Variants in CCDC187 observed in about 807,000 individuals in gnomAD.
CCDC187 encodes the protein coiled-coil domain-containing protein 187.
A neutral mutation model predicts 38.0 loss-of-function variants in CCDC187; 32 were observed. That is an observed-to-expected ratio of 0.84 (90% CI 0.64 to 1.13). CCDC187 has a LOEUF of 1.13. CCDC187 is among the 50% of genes most tolerant of loss of function. CCDC187 has a pLI of 0.00. For synonymous variants in CCDC187, 333 were observed against 347.9 expected (o/e 0.96, Z 0.48); for missense variants, 707 against 786.8 (o/e 0.90, Z 1.21).
intron 10 of CCDC187, among the ~76,000 whole-genome samples, chr9:136,279,836 G>A (rs1831004602): frequency 6.6e-6 from 1 of 152,238 alleles, no homozygotes; most frequent in African/African-American, 2.4e-5. Context: ...CAGCCATGAG[G>A]GTTCCACCCT....
chr9:136,290,105 C>A (rs1327042142), intron 6 of CCDC187, 52 bp from the exon 7 acceptor site: 1 of 398,638 alleles, frequency 2.5e-6, no homozygotes, highest in Non-Finnish European at 4.4e-6. Flanking sequence ...AGACCACACG[C>A]CCCGTTCTCT....
At chr9:136,255,994 C>T (rs893472176) in intron 24 of CCDC187, among the ~76,000 whole-genome samples, 2 of 152,154 alleles carry the variant, frequency 1.3e-5, no homozygotes, top group Non-Finnish European at 2.9e-5. Context: ...GGTTCGAAGC[C>T]GCTCTGCTGA....
Position 136,256,129 on chromosome 9 carries a change from C to T in CCDC187, c.4616+82G>A, listed in dbSNP as rs959175935. ...TGCCAGGAGAGAGTGAGGGTCCCCA[C>T]AGCAGGGGGACAGGGGGTACCGGCT... is the stretch of plus-strand genomic sequence containing the variant. On this transcript the variant is annotated intron_variant, in intron 24 of 25. Transcript: ENST00000638797. 5.6e-6 allele frequency: 4 copies of T among 714,286 alleles called. No individual in the cohort carries two copies. The East Asian group carries it at 3.9e-4, about 70-fold the overall frequency. The allele number at this position is 714,286 out of a possible 1,614,324, so 44.2% of individuals were successfully genotyped here.
intron 12 of CCDC187, among the ~76,000 whole-genome samples, chr9:136,275,281 T>G (rs1588658772): frequency 6.6e-6 from 1 of 150,988 alleles, no homozygotes; most frequent in Admixed American, 6.6e-5. Flanking sequence ...TGGAGACGGG[T>G]GGGAAGGAAA....
At chr9:136,281,711 A>G in intron 9 of CCDC187, 48 bp from the exon 10 acceptor site, 1 of 398,610 alleles carries the variant, frequency 2.5e-6, no homozygotes, top group Non-Finnish European at 4.4e-6. Context: ...CGTGGAGGAG[A>G]CAGGAGGCAG....
At position 136,265,880 on chromosome 9, in the gene CCDC187, G is replaced by T. The variant is rs1048304739; in HGVS notation, c.3735+76C>A. On this transcript the variant is annotated intron_variant, in intron 17 of 25. Transcript: ENST00000638797. ...TAGCTCTGTTGCTGGGGAATGTTCA[G>T]ATTCCAGGCAAGAAGATGACACGAC... 6 of 749,682 alleles carry T rather than the reference G, an allele frequency of 8.0e-6. No individual in the cohort carries two copies. In the East Asian group the frequency reaches 6.5e-4, roughly 81 times the overall value. 46.4% of individuals were successfully genotyped at this position (749,682 alleles called of 1,614,324 possible).
Position 136,256,261 on chromosome 9 carries a change from G to T in CCDC187, c.4566C>A (p.Ser1522Arg), listed in dbSNP as rs1830611465. The T allele has an allele frequency of 1.0e-6, 1 of 985,604 alleles. No individual in the cohort carries two copies. Among genetic ancestry groups the T allele is most frequent in the Non-Finnish European group, 1.2e-6 (1 of 830,070 alleles). 61.1% of individuals were successfully genotyped at this position (985,604 alleles called of 1,614,324 possible). A position where few individuals can be genotyped will look rare whatever the true frequency, so the allele number is the denominator to read the frequency against. The change falls in exon 24 of 26, where the codon AGC becomes AGA. Residue 1522 changes from serine (S) to arginine (R), a missense_variant. Ser to Arg is a moderately radical substitution (Grantham distance 110). Transcript: ENST00000638797. ...CGGTTTCCTGGGACTCCTCCACGGG[G>T]CTCTCAGCAAAATCCAGCCCCGATT... is the stretch of plus-strand genomic sequence containing the variant. ...GLESGLDFAESPVEESQETES... is the reference protein window; with the variant it reads ...GLESGLDFAERPVEESQETES...
intron 4 of CCDC187, among the ~76,000 whole-genome samples, chr9:136,296,876 T>C (rs1831548090): frequency 6.6e-6 from 1 of 151,982 alleles, no homozygotes; most frequent in South Asian, 2.1e-4. Context: ...ACGCATGAAA[T>C]TAATCGTAAT....
At chr9:136,299,500 C>T (rs1366213708) in intron 3 of CCDC187, among the ~76,000 whole-genome samples, 18 of 152,332 alleles carry the variant, frequency 1.2e-4, no homozygotes, top group Middle Eastern at 6.8e-3. Context: ...ATCTTGCCGG[C>T]GTCTGCCTGT....
chr9:136,250,731 T>A lies in CCDC187; in HGVS notation c.*2863A>T, dbSNP rs782185463. 4.4e-6 allele frequency: 2 copies of A among 456,144 alleles called. No individual in the cohort carries two copies. Among genetic ancestry groups the A allele is most frequent in the African/African-American group, 4.0e-5 (2 of 50,074 alleles). 28.3% of individuals were successfully genotyped at this position (456,144 alleles called of 1,614,324 possible). ...AGGAGCTGGTGCAAAATCAGATGCA[T>A]GGCCCGAGCTGGGCTTCCTGTGCAC... On this transcript the variant is annotated 3_prime_UTR_variant, in exon 26 of 26. Coordinates refer to ENST00000638797, the MANE Select transcript of CCDC187 (RefSeq NM_001378188.1).
intron 9 of CCDC187, among the ~76,000 whole-genome samples, chr9:136,284,779 G>A (rs1831133420): frequency 6.6e-6 from 1 of 152,122 alleles, no homozygotes; most frequent in African/African-American, 2.4e-5. Flanking sequence ...CAAATCCCCA[G>A]GAGGGACTCA....
intron 14 of CCDC187, among the ~76,000 whole-genome samples, chr9:136,269,658 A>T (rs868971857): frequency 4.6e-5 from 7 of 152,036 alleles, no homozygotes; most frequent in Non-Finnish European, 5.9e-5. Flanking sequence ...AGGAAAAATT[A>T]AAAAAAAGGA....
upstream of CCDC187, among the ~76,000 whole-genome samples, chr9:136,304,366 T>C (rs1831765494): frequency 6.6e-6 from 1 of 152,016 alleles, no homozygotes; most frequent in East Asian, 1.9e-4. Context: ...GGCACAGAGG[T>C]CCCAGCAGCT....
At chr9:136,288,756 G>A (rs1008127116) in intron 7 of CCDC187, among the ~76,000 whole-genome samples, 1 of 152,252 alleles carries the variant, frequency 6.6e-6, no homozygotes, top group African/African-American at 2.4e-5. Flanking sequence ...AAAATACACA[G>A]TAGTCAAAGC....
chr9:136,278,785 C>T (rs1263825815), intron 10 of CCDC187, among the ~76,000 whole-genome samples: 3 of 152,218 alleles, frequency 2.0e-5, no homozygotes, highest in Non-Finnish European at 2.9e-5. Context: ...CCACACCCAC[C>T]GTTTACATTT....
At chr9:136,281,227 C>A (rs920275139) in intron 10 of CCDC187, 14 of 395,598 alleles carry the variant, frequency 3.5e-5, no homozygotes, top group African/African-American at 2.7e-4. Flanking sequence ...AAGAAAAAGT[C>A]GAATCCGAGC....
In CCDC187 at chr9:136,257,853, T is replaced by G. The variant is rs1008284365; in HGVS notation, c.4367-1012A>C. On this transcript the variant is annotated intron_variant, in intron 22 of 25. Transcript: ENST00000638797. This position sits in a 1 kb window ranked among gnomAD's most constrained non-coding sequence, Gnocchi z 4.5. Reference sequence around the variant, plus strand: ...GGGAGCCCCTGCAAGCGCAGTCTTTTGATCAGAGAGCGGCCGGCACCGCAG... The same window carrying G: ...GGGAGCCCCTGCAAGCGCAGTCTTTGGATCAGAGAGCGGCCGGCACCGCAG... 1.3e-5 allele frequency among the ~76,000 whole-genome samples: 2 copies of G among 152,222 alleles called. No homozygotes were observed.
At chr9:136,261,864 C>T (rs1282229318) in intron 19 of CCDC187, among the ~76,000 whole-genome samples, 3 of 152,214 alleles carry the variant, frequency 2.0e-5, no homozygotes, top group East Asian at 3.9e-4. Flanking sequence ...AAGGCCTCCT[C>T]GGCCCTCCAG....
intron 4 of CCDC187, among the ~76,000 whole-genome samples, chr9:136,293,571 G>A (rs1323459365): frequency 2.0e-5 from 3 of 146,890 alleles, no homozygotes; most frequent in East Asian, 2.1e-4. Context: ...TGTCACACAC[G>A]TGCCCACAAC....
Sources: gnomAD v4.1 joint callset for allele counts (sites outside exome capture counted in the v4.1 genomes callset) on GRCh38, gnomAD v4.1.1 for gene constraint, Gnocchi (gnomAD v3.1) non-coding constraint, MANE v1.5 for transcripts, NCBI Gene and HGNC (gene_info 2026-07-23, HGNC 2026-07-21) for gene names.